The following SLC5A10 variants were observed in gnomAD, a reference collection of about 807,000 sequenced individuals.
SLC5A10 encodes solute carrier family 5 member 10, also known as sodium/mannose cotransporter SLC5A10.
Under a neutral mutation model 68.9 loss-of-function variants are expected in SLC5A10, and 55 were observed. That is an observed-to-expected ratio of 0.80 (90% CI 0.64 to 1.00). The LOEUF is 1.00. SLC5A10 is among the 50% of genes least tolerant of loss of function. SLC5A10 has a pLI of 0.00. For missense variants in SLC5A10, 732 were observed against 819.3 expected (o/e 0.89, Z 1.30); for synonymous variants, 344 against 344.8 (o/e 1.00, Z 0.02).
In SLC5A10 at chr17:19,019,486, C is replaced by T; in HGVS notation, c.1305C>T (p.Asn435=). ...VAWIPVLQDS[N]SGQLFIYMQS... is the part of the protein sequence containing the mutation. ...GGATCCCCGTCCTGCAGGACTCCAA[C>T]AGCGGGCAACTCTTCATCTACATGC... Residue 435 remains asparagine (N), a synonymous_variant, in exon 12 of 15, where the codon AAC becomes AAT. Coordinates refer to ENST00000395645, the MANE Select transcript of SLC5A10 (RefSeq NM_001042450.4). 2 of 1,612,376 alleles carry T rather than the reference C, an allele frequency of 1.2e-6. No individual in the cohort carries two copies. The highest frequency in any genetic ancestry group is 1.7e-6 in the Non-Finnish European group (2 of 1,179,926).
chr17:19,020,621 GT>G lies in SLC5A10; in HGVS notation c.*191del, dbSNP rs1306578063. 5.1e-6 allele frequency: 3 copies of G among 589,302 alleles called. No homozygotes were observed. The highest frequency in any genetic ancestry group is 3.0e-6 in the Non-Finnish European group (1 of 331,118). The allele number at this position is 589,302 out of a possible 1,614,324, so 36.5% of individuals were successfully genotyped here. On this transcript the variant is annotated 3_prime_UTR_variant, in exon 15 of 15. Coordinates refer to ENST00000395645, the MANE Select transcript of SLC5A10 (RefSeq NM_001042450.4). ...TAGGGGGGAAATGGGAGAAAATAAT[GT>G]GACATTTCAAAAACAGCACCAAAGC... is the stretch of plus-strand genomic sequence containing the variant.
intron 9 of SLC5A10, among the ~76,000 whole-genome samples, chr17:18,994,448 A>C (rs889154464): frequency 6.6e-6 from 1 of 152,172 alleles, no homozygotes; most frequent in Non-Finnish European, 1.5e-5. Flanking sequence ...AGCTGCACAG[A>C]GTGAACTCCA....
chr17:18,967,603 C>T (rs953236905), intron 5 of SLC5A10, among the ~76,000 whole-genome samples: 4 of 152,210 alleles, frequency 2.6e-5, no homozygotes, highest in Non-Finnish European at 5.9e-5. Context: ...AGCCAGGGTC[C>T]AGCAGGAGTC....
At chr17:18,953,597 C>G (rs1567773329) in intron 1 of SLC5A10, 2 of 152,598 alleles carry the variant, frequency 1.3e-5, no homozygotes, top group African/African-American at 4.8e-5. Flanking sequence ...CCACACAGGA[C>G]CAGACCTTGC....
At chr17:18,978,911 C>G in intron 9 of SLC5A10, 2 of 1,576,570 alleles carry the variant, frequency 1.3e-6, no homozygotes, top group Non-Finnish European at 8.6e-7. Context: ...GCCCAGCCCC[C>G]GTGCACCCAT....
intron 1 of SLC5A10, among the ~76,000 whole-genome samples, chr17:18,956,677 A>G (rs1047472487): frequency 1.1e-4 from 17 of 151,986 alleles, no homozygotes; most frequent in South Asian, 8.3e-4. Flanking sequence ...GAGTTCCACT[A>G]TGTTGCCCAG....
Position 18,968,728 on chromosome 17 carries a change from AG to A in SLC5A10, c.454-320del. On this transcript the variant is annotated intron_variant, in intron 5 of 14. Coordinates refer to ENST00000395645, the MANE Select transcript of SLC5A10 (RefSeq NM_001042450.4). The surrounding 1 kb of genome is among the most constrained non-coding windows in gnomAD (Gnocchi z 4.1). ...CTCATCAAGGTGCCCCTGGGAACCG[AG>A]GGGACAGGGCTCTGCCTTTTATCCC... The A allele has an allele frequency of 3.1e-6, 1 of 318,052 alleles. No individual in the cohort carries two copies. The highest frequency in any genetic ancestry group is 5.8e-6 in the Non-Finnish European group (1 of 172,298). The allele number at this position is 318,052 out of a possible 1,614,324, so 19.7% of individuals were successfully genotyped here.
rs1193486570 is a variant in SLC5A10, at chr17:18,952,228, A to T, written c.23A>T (p.Asp8Val). 3.7e-6 allele frequency: 6 copies of T among 1,613,434 alleles called. No individual in the cohort carries two copies. The highest frequency in any genetic ancestry group is 5.1e-6 in the Non-Finnish European group (6 of 1,179,754). Residue 8 changes from aspartate to valine, a missense_variant, in exon 1 of 15, where the codon GAC becomes GTC. Transcript: ENST00000395645. ...GCCATGGCCGCCAACTCCACCAGCG[A>T]CCTCCACACTCCCGGGACGCAGCTG... is the stretch of plus-strand genomic sequence containing the variant. The part of the protein sequence containing the change: MAANSTS[D>V]LHTPGTQLSV...
At chr17:18,953,969 C>T (rs2042433092) in intron 1 of SLC5A10, 1 of 152,162 alleles carries the variant, frequency 6.6e-6, no homozygotes, top group African/African-American at 2.4e-5. Flanking sequence ...CAGTGCTGGC[C>T]ATCGGCAAAG....
chr17:18,992,591 G>A (rs904368316), intron 9 of SLC5A10, among the ~76,000 whole-genome samples: 1 of 152,194 alleles, frequency 6.6e-6, no homozygotes, highest in Non-Finnish European at 1.5e-5. Flanking sequence ...ATCTCCCTCA[G>A]CCCCAGCCAG....
intron 9 of SLC5A10, chr17:18,978,883 C>T: frequency 6.2e-7 from 1 of 1,604,478 alleles, no homozygotes; most frequent in East Asian, 2.2e-5. Context: ...TGGTCAGGCA[C>T]ATGACCCTGC....
chr17:19,010,533 C>A (rs2043991691), intron 9 of SLC5A10, among the ~76,000 whole-genome samples: 1 of 152,180 alleles, frequency 6.6e-6, no homozygotes, highest in Non-Finnish European at 1.5e-5. Flanking sequence ...TAAAGAAGTT[C>A]TTTCTTGCTG....
chr17:18,993,144 A>AG, intron 9 of SLC5A10, among the ~76,000 whole-genome samples: 1 of 152,202 alleles, frequency 6.6e-6, no homozygotes, highest in South Asian at 2.1e-4. Context: ...GCACCTCTTC[A>AG]GGGGGGCCCT....
chr17:18,996,283 T>A lies in SLC5A10; in HGVS notation c.983-17127T>A, dbSNP rs2152137270. ...ACTCCCTCCTCCAGCTGCAACCCCC[T>A]CCTCCAGCAGCACGGTTGGGACAGA... On this transcript the variant is annotated intron_variant, in intron 9 of 14. Transcript: ENST00000395645. This position sits in a 1 kb window ranked among gnomAD's most constrained non-coding sequence, Gnocchi z 4.4. Among the ~76,000 whole-genome samples the A allele has an allele frequency of 6.6e-6, 1 of 152,164 alleles. No individual in the cohort carries two copies. Among genetic ancestry groups the A allele is most frequent in the South Asian group, 2.1e-4 (1 of 4,814 alleles).
rs2044163333 is a variant in SLC5A10, at chr17:19,017,384, A to T, written c.1242-2039A>T. ...GCGGTATCTCCTAGGCCTCGTGGTC[A>T]TGGATCTCTGGTAGGGTGAATGGCC... On this transcript the variant is annotated intron_variant, in intron 11 of 14. Coordinates refer to ENST00000395645, the MANE Select transcript of SLC5A10 (RefSeq NM_001042450.4). This position sits in a 1 kb window ranked among gnomAD's most constrained non-coding sequence, Gnocchi z 5.6. The T allele has an allele frequency of 1.3e-6, 2 of 1,551,572 alleles. No homozygotes were observed. Among genetic ancestry groups the T allele is most frequent in the African/African-American group, 1.4e-5 (1 of 73,028 alleles).
In SLC5A10 at chr17:19,020,251, T is replaced by C. The variant is rs771320420; in HGVS notation, c.1684+39T>C. 10 of 1,613,570 alleles carry C rather than the reference T, an allele frequency of 6.2e-6. No homozygotes were observed. In the East Asian group the frequency reaches 2.2e-4, roughly 36 times the overall value. ...CCTAGGCACTCCTCCACCTTGACCCTGGCCTGGAGGCAAGGGCACCAGGTG... is the reference window on the plus strand; with the variant it reads ...CCTAGGCACTCCTCCACCTTGACCCCGGCCTGGAGGCAAGGGCACCAGGTG... On this transcript the variant is annotated intron_variant, in intron 14 of 14. Transcript: ENST00000395645.
chr17:18,990,218 G>C (rs935035291), intron 9 of SLC5A10, among the ~76,000 whole-genome samples: 1 of 152,174 alleles, frequency 6.6e-6, no homozygotes, highest in African/African-American at 2.4e-5. Context: ...CCTGACCTAG[G>C]AGATGTTCAA....
chr17:18,954,355 A>G (rs915860784), intron 1 of SLC5A10, among the ~76,000 whole-genome samples: 2 of 152,188 alleles, frequency 1.3e-5, no homozygotes, highest in African/African-American at 4.8e-5. Context: ...TAGCCCAGTG[A>G]CTTGGGCCAC....
intron 1 of SLC5A10, 109 bp from the exon 2 acceptor site, chr17:18,958,573 A>G: frequency 1.2e-6 from 1 of 833,592 alleles, no homozygotes; most frequent in Non-Finnish European, 2.0e-6. Flanking sequence ...TCTGGGTCAT[A>G]TGGTGATTCT....
Sources: gnomAD v4.1 joint callset for allele counts (sites outside exome capture counted in the v4.1 genomes callset) on GRCh38, gnomAD v4.1.1 for gene constraint, Gnocchi (gnomAD v3.1) non-coding constraint, MANE v1.5 for transcripts, NCBI Gene and HGNC (gene_info 2026-07-23, HGNC 2026-07-21) for gene names.